The following RRN3 variants were observed in gnomAD, a reference collection of about 807,000 sequenced individuals.
RRN3 encodes RNA polymerase I transcription factor RRN3.
Under a neutral mutation model 82.3 loss-of-function variants are expected in RRN3, and 38 were observed. The observed-to-expected ratio is 0.46, with a 90% CI of 0.36 to 0.61. The LOEUF (loss-of-function observed/expected upper bound fraction) is 0.61, where lower values mean the gene tolerates loss of function less well. RRN3 is among the 20% of genes least tolerant of loss of function. RRN3 has a pLI of 0.00. For missense variants in RRN3, 726 were observed against 793.1 expected, an observed-to-expected ratio of 0.92 and a Z score of 1.02; for synonymous variants, 284 against 284.3, an observed-to-expected ratio of 1.00 and a Z score of 0.01.
intron 9 of RRN3, 110 bp downstream of exon 9, chr16:15,079,888 C>T (rs56123121): frequency 4.7e-6 from 6 of 1,286,402 alleles, no homozygotes; most frequent in Middle Eastern, 2.2e-4. Flanking sequence ...TGAGTCACCA[C>T]GCCTGGCCAA....
chr16:15,086,078 T>A lies in RRN3; in HGVS notation c.472+51A>T, dbSNP rs544112249. The A allele has an allele frequency of 5.6e-5, 86 of 1,549,262 alleles. No homozygotes were observed. In the East Asian group the frequency reaches 2.0e-3, roughly 36 times the overall value. ...TCTCATATATAAGGGGAAGGTAGTATTTTAATAAAGAAGTATTAAAAAGAA... is the reference window on the plus strand; with the variant it reads ...TCTCATATATAAGGGGAAGGTAGTAATTTAATAAAGAAGTATTAAAAAGAA... On this transcript the variant is annotated intron_variant, in intron 5 of 17. Transcript: ENST00000198767.
intron 14 of RRN3, among the ~76,000 whole-genome samples, chr16:15,069,373 C>T (rs1417512585): frequency 6.6e-6 from 1 of 152,148 alleles, no homozygotes; most frequent in Non-Finnish European, 1.5e-5. Context: ...AAGTGACCCA[C>T]AAAACCATAA....
At chr16:15,083,026 C>A (rs2045768213) in intron 8 of RRN3, among the ~76,000 whole-genome samples, 1 of 152,170 alleles carries the variant, frequency 6.6e-6, no homozygotes, top group African/African-American at 2.4e-5. Flanking sequence ...TGGGAATCCC[C>A]AATAGCCGCT....
chr16:15,070,961 A>G (rs1263571183), intron 13 of RRN3, among the ~76,000 whole-genome samples, 160 bp downstream of exon 13: 10 of 152,212 alleles, frequency 6.6e-5, no homozygotes, highest in Non-Finnish European at 1.3e-4. Flanking sequence ...ACTTTATTCT[A>G]AAATCACCAC....
chr16:15,086,086 A>C (rs2045905906), intron 5 of RRN3, 43 bp downstream of exon 5: 1 of 1,563,910 alleles, frequency 6.4e-7, no homozygotes, highest in East Asian at 2.4e-5. Flanking sequence ...TATTTTAATA[A>C]AGAAGTATTA....
At chr16:15,088,110 C>A (rs1202658098) in intron 3 of RRN3, among the ~76,000 whole-genome samples, 1 of 151,726 alleles carries the variant, frequency 6.6e-6, no homozygotes, top group Admixed American at 6.6e-5. Flanking sequence ...GAGCAAAACT[C>A]CGTCTCAAAA....
Position 15,061,943 on chromosome 16 carries a change from T to C in RRN3, c.1795-38A>G, listed in dbSNP as rs2044731712. On this transcript the variant is annotated intron_variant, in intron 17 of 17. Coordinates refer to ENST00000198767, the MANE Select transcript of RRN3 (RefSeq NM_018427.5). ...CAGAAATCATCAGTAACATCACCAGTGCTGACTGAAAAGCTTTCAACAATT... is the reference window on the plus strand; with the variant it reads ...CAGAAATCATCAGTAACATCACCAGCGCTGACTGAAAAGCTTTCAACAATT... The C allele has an allele frequency of 3.2e-6, 5 of 1,571,588 alleles. No homozygotes were observed. In the East Asian group the frequency reaches 9.1e-5, roughly 29 times the overall value.
intron 8 of RRN3, among the ~76,000 whole-genome samples, chr16:15,081,564 T>A (rs1260238000): frequency 1.3e-5 from 2 of 152,208 alleles, no homozygotes; most frequent in African/African-American, 4.8e-5. Context: ...TAAGAGTTCT[T>A]TACATATACA....
At chr16:15,090,602 A>G (rs1009817533) in intron 3 of RRN3, among the ~76,000 whole-genome samples, 80 of 152,354 alleles carry the variant, frequency 5.3e-4, no homozygotes, top group African/African-American at 1.8e-3. Flanking sequence ...TCTCTTAAAA[A>G]CAAAACACTC....
At chr16:15,086,560 A>G in intron 3 of RRN3, 106 bp from the exon 4 acceptor site, 1 of 1,512,244 alleles carries the variant, frequency 6.6e-7, no homozygotes, top group Non-Finnish European at 8.9e-7. Flanking sequence ...TGGGGGGAAA[A>G]GGTCACAAAC....
intron 14 of RRN3, among the ~76,000 whole-genome samples, chr16:15,069,040 T>G (rs1354039590): frequency 1.3e-5 from 2 of 152,218 alleles, no homozygotes. Context: ...ACTTACCTTG[T>G]GATAAAACCT....
At position 15,064,008 on chromosome 16, in the gene RRN3, A is replaced by C. The variant is rs193266890; in HGVS notation, c.1707-725T>G. Among the ~76,000 whole-genome samples, 654 of 152,322 alleles carry C rather than the reference A, an allele frequency of 4.3e-3. 2 individuals carry two copies. The highest frequency in any genetic ancestry group is 8.1e-3 in the Admixed American group (124 of 15,300). On this transcript the variant is annotated intron_variant, in intron 16 of 17. Transcript: ENST00000198767. ...TAGGAAAAACAACTAATCTGGTTTC[A>C]GTCAACCAAGACTTCAGGGACCAGA...
chr16:15,081,679 G>C (rs2045709202), intron 8 of RRN3, among the ~76,000 whole-genome samples: 1 of 152,062 alleles, frequency 6.6e-6, no homozygotes, highest in African/African-American at 2.4e-5. Context: ...GTTTAATTTT[G>C]AAGTACAATT....
chr16:15,061,711 C>CA lies in RRN3; in HGVS notation c.*32dup. On this transcript the variant is annotated 3_prime_UTR_variant, in exon 18 of 18. Coordinates refer to ENST00000198767, the MANE Select transcript of RRN3 (RefSeq NM_018427.5). ...GGGCATGACAAGTGATGGGGAATCC[C>CA]AAATGTCACATCTCAGTCACAAATT... The CA allele has an allele frequency of 6.3e-7, 1 of 1,591,530 alleles. No individual in the cohort carries two copies. The highest frequency in any genetic ancestry group is 8.6e-7 in the Non-Finnish European group (1 of 1,162,326).
intron 10 of RRN3, among the ~76,000 whole-genome samples, chr16:15,076,245 A>C (rs2045450324): frequency 1.3e-5 from 2 of 152,212 alleles, no homozygotes; most frequent in South Asian, 4.1e-4. Context: ...AAAATGCAGA[A>C]ATTAAACAGG....
At chr16:15,092,437 G>T (rs1416922440) in intron 2 of RRN3, 72 bp downstream of exon 2, 4 of 872,618 alleles carry the variant, frequency 4.6e-6, no homozygotes, top group Middle Eastern at 4.3e-4. Flanking sequence ...ATTTCTATTG[G>T]TCTTTAGTAT....
At chr16:15,066,484 T>C (rs1426496263) in intron 15 of RRN3, among the ~76,000 whole-genome samples, 1 of 151,734 alleles carries the variant, frequency 6.6e-6, no homozygotes, top group Non-Finnish European at 1.5e-5. Flanking sequence ...AATACAAAAA[T>C]TAGCTGGGCG....
intron 7 of RRN3, 47 bp downstream of exon 7, chr16:15,084,594 CA>C (rs1205485582): frequency 7.6e-7 from 1 of 1,320,074 alleles, no homozygotes; most frequent in African/African-American, 1.5e-5. Context: ...TAATTGATTA[CA>C]ATTTTCTTGA....
intron 15 of RRN3, among the ~76,000 whole-genome samples, chr16:15,066,541 G>T (rs1470923907): frequency 6.6e-6 from 1 of 151,874 alleles, no homozygotes; most frequent in Non-Finnish European, 1.5e-5. Flanking sequence ...GCTGAGGCAG[G>T]AGAACTGCAT....
Sources: gnomAD v4.1 joint callset for allele counts (sites outside exome capture counted in the v4.1 genomes callset) on GRCh38, gnomAD v4.1.1 for gene constraint, MANE v1.5 for transcripts, NCBI Gene and HGNC (gene_info 2026-07-23, HGNC 2026-07-21) for gene names.